ADAM12: variants seen among roughly 807,000 people sequenced by gnomAD.
The protein encoded by ADAM12 is ADAM metallopeptidase domain 12.
A neutral mutation model predicts 106.4 loss-of-function variants in ADAM12; 70 were observed. That is an observed-to-expected ratio of 0.66 (90% CI 0.54 to 0.80). The LOEUF (loss-of-function observed/expected upper bound fraction) is 0.80, where lower values mean the gene tolerates loss of function less well. ADAM12 is among the 30% of genes least tolerant of loss of function. ADAM12 has a pLI of 0.00. For synonymous variants in ADAM12, 420 were observed against 433.5 expected (o/e 0.97, Z 0.39); for missense variants, 1,010 against 1,171.9 (o/e 0.86, Z 2.02).
chr10:126,123,762 G>A (rs1463536920), intron 5 of ADAM12, among the ~76,000 whole-genome samples: 1 of 152,148 alleles, frequency 6.6e-6, no homozygotes, highest in Non-Finnish European at 1.5e-5. Context: ...GTGCAGTTTT[G>A]AGAGAGGGGC....
chr10:126,041,800 G>T, intron 18 of ADAM12: 1 of 1,138,724 alleles, frequency 8.8e-7, no homozygotes, highest in Non-Finnish European at 1.1e-6. Context: ...GAGGCTCAGT[G>T]AAAGGCCAGA....
intron 2 of ADAM12, among the ~76,000 whole-genome samples, chr10:126,316,159 T>C (rs1303705496): frequency 2.0e-5 from 3 of 152,208 alleles, no homozygotes; most frequent in African/African-American, 7.2e-5. Context: ...GGAGTTAACA[T>C]TTCTAAGAGT....
At chr10:126,340,586 G>C (rs766328870) in intron 1 of ADAM12, among the ~76,000 whole-genome samples, 1 of 152,178 alleles carries the variant, frequency 6.6e-6, no homozygotes, top group Admixed American at 6.5e-5. Flanking sequence ...AAAACTTGGA[G>C]TATGATTCAG....
At chr10:126,112,491 G>A (rs977631367) in intron 6 of ADAM12, among the ~76,000 whole-genome samples, 4 of 152,074 alleles carry the variant, frequency 2.6e-5, no homozygotes, top group African/African-American at 9.7e-5. Flanking sequence ...AAAAGTCTCC[G>A]TTCCCAGGTG....
intron 2 of ADAM12, among the ~76,000 whole-genome samples, chr10:126,322,172 A>G (rs1403582447): frequency 1.3e-5 from 2 of 152,240 alleles, no homozygotes; most frequent in African/African-American, 4.8e-5. Flanking sequence ...TTATTGGAAC[A>G]TAGCCATGCT....
At chr10:126,037,148 TTATC>T (rs1463674805) in intron 20 of ADAM12, among the ~76,000 whole-genome samples, 1 of 152,188 alleles carries the variant, frequency 6.6e-6, no homozygotes, top group African/African-American at 2.4e-5. Flanking sequence ...CTCAGAATAA[TTATC>T]TAGAGATTCA....
At chr10:126,170,473 G>T (rs1374584022) in intron 3 of ADAM12, among the ~76,000 whole-genome samples, 1 of 151,522 alleles carries the variant, frequency 6.6e-6, no homozygotes, top group East Asian at 1.9e-4. Flanking sequence ...TGTGAACCCA[G>T]GTGTACAGAG....
chr10:126,055,993 CG>C (rs2133456515), intron 14 of ADAM12, among the ~76,000 whole-genome samples: 1 of 152,220 alleles, frequency 6.6e-6, no homozygotes, highest in Non-Finnish European at 1.5e-5. Context: ...ATGAAAAATT[CG>C]GAGTAGAATG....
At chr10:126,226,832 C>T (rs536951897) in intron 3 of ADAM12, among the ~76,000 whole-genome samples, 54 of 152,164 alleles carry the variant, frequency 3.5e-4, no homozygotes, top group Non-Finnish European at 6.3e-4. Context: ...TCAGTTATGC[C>T]CTCAGAGCTT....
intron 1 of ADAM12, among the ~76,000 whole-genome samples, chr10:126,345,631 C>T (rs546809362): frequency 2.0e-5 from 3 of 152,276 alleles, no homozygotes; most frequent in Non-Finnish European, 4.4e-5. Flanking sequence ...TGGTAGAATT[C>T]GGCTGCGAAT....
At chr10:126,271,014 C>T (rs1054102715) in intron 3 of ADAM12, among the ~76,000 whole-genome samples, 2 of 152,170 alleles carry the variant, frequency 1.3e-5, no homozygotes, top group Admixed American at 6.5e-5. Context: ...CACTGGTCAG[C>T]GGCAAACATC....
intron 2 of ADAM12, among the ~76,000 whole-genome samples, chr10:126,292,289 C>T (rs1960187651): frequency 6.6e-6 from 1 of 152,122 alleles, no homozygotes; most frequent in Non-Finnish European, 1.5e-5. Context: ...CCTTTTGGCT[C>T]CCATTGGTAC....
At chr10:126,311,205 T>A in intron 2 of ADAM12, among the ~76,000 whole-genome samples, 1 of 152,050 alleles carries the variant, frequency 6.6e-6, no homozygotes, top group East Asian at 1.9e-4. Context: ...AATTTAAATT[T>A]AACCGGGCAT....
intron 1 of ADAM12, among the ~76,000 whole-genome samples, chr10:126,366,744 T>C (rs1447389007): frequency 6.6e-6 from 1 of 152,064 alleles, no homozygotes; most frequent in Non-Finnish European, 1.5e-5. Context: ...TGCGCATACA[T>C]ATGCAAACAC....
Position 126,174,008 on chromosome 10 carries a change from A to ATTTTTTTTTTTT in ADAM12, c.261-18715_261-18704dup, listed in dbSNP as rs200354475. Among the ~76,000 whole-genome samples, 15 of 90,466 alleles carry ATTTTTTTTTTTT rather than the reference A, an allele frequency of 1.7e-4. 3 individuals carry two copies. The highest frequency in any genetic ancestry group is 4.8e-4 in the African/African-American group (9 of 18,686). The allele number at this position is 90,466 out of a possible 152,430, so 59.3% of individuals were successfully genotyped here. On this transcript the variant is annotated intron_variant, in intron 3 of 22. Coordinates refer to ENST00000448723, the MANE Select transcript of ADAM12 (RefSeq NM_001288973.2). The stretch of plus-strand genomic sequence containing the variant: ...TTTTATCCAGATTCATCTGTTGTTG[A>ATTTTTTTTTTTT]TTTTTTTTTTTTTTTTTTTTTTTTT...
intron 19 of ADAM12, 145 bp from the exon 20 acceptor site, chr10:126,038,494 C>T: frequency 1.7e-6 from 1 of 586,958 alleles, no homozygotes; most frequent in Non-Finnish European, 2.9e-6. Context: ...TACCTAATAA[C>T]ACTCTTAGGA....
intron 3 of ADAM12, among the ~76,000 whole-genome samples, chr10:126,175,586 C>T (rs1363043079): frequency 1.3e-5 from 2 of 152,136 alleles, no homozygotes; most frequent in Non-Finnish European, 2.9e-5. Context: ...TTTTTTCTCT[C>T]ATCAAAAACA....
At chr10:126,198,957 A>C (rs1957647942) in intron 3 of ADAM12, among the ~76,000 whole-genome samples, 1 of 152,216 alleles carries the variant, frequency 6.6e-6, no homozygotes, top group Non-Finnish European at 1.5e-5. Context: ...TATTACCACT[A>C]TCTGATATCA....
chr10:126,091,924 G>A (rs1372631614), intron 11 of ADAM12, among the ~76,000 whole-genome samples: 2 of 152,154 alleles, frequency 1.3e-5, no homozygotes, highest in Non-Finnish European at 2.9e-5. Context: ...AAGAAAGGAG[G>A]AAGGAAGGGT....
Sources: allele counts gnomAD v4.1 joint callset (sites outside exome capture counted in the v4.1 genomes callset), GRCh38; gene constraint gnomAD v4.1.1; transcripts MANE v1.5; gene names NCBI Gene and HGNC (gene_info 2026-07-23, HGNC 2026-07-21).